SLC15A5: variants seen among roughly 807,000 people sequenced by gnomAD.
The protein encoded by SLC15A5 is Peptide/histidine transporter ENSP00000340402.
SLC15A5 carries 58 observed loss-of-function variants against 56.1 expected under a neutral mutation model. The ratio of observed to expected loss-of-function variants is 1.03; its 90% CI spans 0.84 to 1.29. SLC15A5 has a LOEUF of 1.29. Ranked by LOEUF, SLC15A5 falls within the 50% of genes most tolerant of loss-of-function variation. SLC15A5 has a pLI of 0.00. For missense variants in SLC15A5, 681 were observed against 672.1 expected, an observed-to-expected ratio of 1.01 and a Z score of -0.15; for synonymous variants, 264 against 250.5, an observed-to-expected ratio of 1.05 and a Z score of -0.51.
At chr12:16,211,811 A>G (rs1864083752) in intron 7 of SLC15A5, among the ~76,000 whole-genome samples, 1 of 152,218 alleles carries the variant, frequency 6.6e-6, no homozygotes, top group Non-Finnish European at 1.5e-5. Flanking sequence ...TCCCAGAAGG[A>G]TCAGTTTTCT....
At chr12:16,253,781 C>T (rs894463065) in intron 3 of SLC15A5, among the ~76,000 whole-genome samples, 9 of 152,120 alleles carry the variant, frequency 5.9e-5, no homozygotes, top group African/African-American at 1.9e-4. Flanking sequence ...AAAAATACTG[C>T]GTTGACGAGG....
intron 7 of SLC15A5, among the ~76,000 whole-genome samples, chr12:16,205,594 T>C (rs200314541): frequency 0.11 from 4,418 of 38,420 alleles, 373 homozygotes; most frequent in Non-Finnish European, 0.14. Flanking sequence ...TATATATACA[T>C]ATACACACAC....
chr12:16,229,647 T>TACACACACACACACACACACACACAC (rs71438372), intron 5 of SLC15A5, among the ~76,000 whole-genome samples: 1 of 144,288 alleles, frequency 6.9e-6, no homozygotes, highest in African/African-American at 2.6e-5. Context: ...CACACACACA[T>TACACACACACACACACACACACACAC]ACACACACAC....
chr12:16,210,392 A>G (rs1371147014), intron 7 of SLC15A5, among the ~76,000 whole-genome samples: 2 of 152,186 alleles, frequency 1.3e-5, no homozygotes, highest in African/African-American at 2.4e-5. Context: ...GAACAGTACA[A>G]CTGAACTCTG....
At chr12:16,226,336 A>G (rs1408893755) in intron 5 of SLC15A5, among the ~76,000 whole-genome samples, 1 of 152,168 alleles carries the variant, frequency 6.6e-6, no homozygotes, top group Non-Finnish European at 1.5e-5. Context: ...GGTTGGTTGA[A>G]TCTGCAGATG....
In SLC15A5 at chr12:16,244,671, T is replaced by G; in HGVS notation, c.884A>C (p.Tyr295Ser). Residue 295 changes from tyrosine (Y) to serine (S), a missense_variant, in exon 4 of 9, where the codon TAC becomes TCC. Tyr to Ser is a moderately radical substitution (Grantham distance 144). Coordinates refer to ENST00000344941, the MANE Select transcript of SLC15A5 (RefSeq NM_001170798.1). The part of the protein sequence containing the change: ...DHAKEKNGGC[Y>S]SELHVEDTTF... The stretch of plus-strand genomic sequence containing the variant: ...TGTGTCTTCTACATGGAGCTCACTG[T>G]AGCAGCCACCATTTTTTTCTTTGGC... The G allele has an allele frequency of 2.6e-6, 4 of 1,537,510 alleles. No homozygotes were observed. Among genetic ancestry groups the G allele is most frequent in the Non-Finnish European group, 3.5e-6 (4 of 1,146,986 alleles).
chr12:16,188,817 T>A lies in SLC15A5; in HGVS notation c.*851A>T, dbSNP rs1863812630. The A allele has an allele frequency of 6.6e-6, 1 of 152,202 alleles. No homozygotes were observed. Among genetic ancestry groups the A allele is most frequent in the South Asian group, 2.1e-4 (1 of 4,832 alleles). The allele number at this position is 152,202 out of a possible 1,614,324, so 9.4% of individuals were successfully genotyped here. A position where few individuals can be genotyped will look rare whatever the true frequency, so the allele number is the denominator to read the frequency against. On this transcript the variant is annotated 3_prime_UTR_variant, in exon 9 of 9. Transcript: ENST00000344941. ...ACTGAGAAACAGACTTTAATTTTAT[T>A]TGATTTTTTAAAAAATGAGTTTCCA...
intron 5 of SLC15A5, among the ~76,000 whole-genome samples, chr12:16,227,217 C>T (rs1864251210): frequency 6.6e-6 from 1 of 152,084 alleles, no homozygotes; most frequent in Non-Finnish European, 1.5e-5. Flanking sequence ...AGAGATTTTG[C>T]TTCCGTAAAC....
At position 16,277,631 on chromosome 12, in the gene SLC15A5, T is replaced by C; in HGVS notation, c.55A>G (p.Ile19Val). 6.5e-7 allele frequency: 1 copy of C among 1,536,268 alleles called. No individual in the cohort carries two copies. The highest frequency in any genetic ancestry group is 8.7e-7 in the Non-Finnish European group (1 of 1,146,214). Residue 19 changes from isoleucine to valine, a missense_variant, in exon 1 of 9, where the codon ATT (isoleucine) becomes GTT (valine). Physicochemically the swap from Ile to Val is conservative, Grantham distance 29. Coordinates refer to ENST00000344941, the MANE Select transcript of SLC15A5 (RefSeq NM_001170798.1). ...TDEKVHLYHS[I>V]EKEKTVRHIG... is the part of the protein sequence containing the mutation. ...TGTCTTACAGTTTTCTCCTTCTCAA[T>C]GCTGTGATATAAGTGTACTTTCTCA...
At chr12:16,242,609 A>G (rs1315925719) in intron 4 of SLC15A5, among the ~76,000 whole-genome samples, 2 of 152,218 alleles carry the variant, frequency 1.3e-5, no homozygotes, top group Non-Finnish European at 2.9e-5. Context: ...ATCAGTAACT[A>G]TTAGTTTCTG....
intron 1 of SLC15A5, among the ~76,000 whole-genome samples, chr12:16,273,859 C>T (rs892976195): frequency 9.1e-4 from 136 of 149,846 alleles, no homozygotes; most frequent in African/African-American, 3.0e-3. Context: ...CCCATAATCT[C>T]ATTACTCAGA....
intron 8 of SLC15A5, among the ~76,000 whole-genome samples, chr12:16,190,768 A>G (rs953253836): frequency 2.6e-5 from 4 of 152,132 alleles, no homozygotes; most frequent in South Asian, 2.1e-4. Flanking sequence ...CTCTAAGAGA[A>G]TGAATACTGC....
rs1864343407 is a variant in SLC15A5, at chr12:16,235,384, A to G, written c.1162+4297T>C. ...GTTTCTCTGTAGACCATTGGAATTCATTTCAGAAGACCCAGCTTCAGTTTA... is the reference window on the plus strand; with the variant it reads ...GTTTCTCTGTAGACCATTGGAATTCGTTTCAGAAGACCCAGCTTCAGTTTA... On this transcript the variant is annotated intron_variant, in intron 5 of 8. Coordinates refer to ENST00000344941, the MANE Select transcript of SLC15A5 (RefSeq NM_001170798.1). The surrounding 1 kb of genome is among the most constrained non-coding windows in gnomAD (Gnocchi z 4.1). Among the ~76,000 whole-genome samples, 1 of 151,438 alleles carries G rather than the reference A, an allele frequency of 6.6e-6. No homozygotes were observed. The highest frequency in any genetic ancestry group is 2.4e-5 in the African/African-American group (1 of 41,290).
At chr12:16,211,879 A>G (rs1202907890) in intron 7 of SLC15A5, among the ~76,000 whole-genome samples, 1 of 152,164 alleles carries the variant, frequency 6.6e-6, no homozygotes, top group Non-Finnish European at 1.5e-5. Flanking sequence ...AAGTTTTGAG[A>G]AATCTTTTGA....
At chr12:16,240,900 C>T (rs1325663935) in intron 4 of SLC15A5, among the ~76,000 whole-genome samples, 2 of 151,354 alleles carry the variant, frequency 1.3e-5, no homozygotes, top group African/African-American at 2.4e-5. Context: ...GCAAGCTCCA[C>T]CTCCCAGGTT....
intron 7 of SLC15A5, among the ~76,000 whole-genome samples, chr12:16,199,780 A>G (rs1863934336): frequency 6.6e-6 from 1 of 152,150 alleles, no homozygotes; most frequent in Non-Finnish European, 1.5e-5. Context: ...TGGGAATAAG[A>G]CATAGTCATC....
chr12:16,259,239 GT>G (rs1864615306), intron 2 of SLC15A5, among the ~76,000 whole-genome samples: 1 of 150,918 alleles, frequency 6.6e-6, no homozygotes, highest in Non-Finnish European at 1.5e-5. Context: ...GTCTCACTGT[GT>G]TGCCCAGGCT....
At chr12:16,229,679 C>CAT in intron 5 of SLC15A5, among the ~76,000 whole-genome samples, 1 of 151,438 alleles carries the variant, frequency 6.6e-6, no homozygotes, top group South Asian at 2.1e-4. Flanking sequence ...CACACACACA[C>CAT]ACACAATCTT....
Position 16,243,994 on chromosome 12 carries a change from C to G in SLC15A5, c.975+586G>C, listed in dbSNP as rs1218778486. Among the ~76,000 whole-genome samples, 1 of 152,102 alleles carries G rather than the reference C, an allele frequency of 6.6e-6. No homozygotes were observed. Among genetic ancestry groups the G allele is most frequent in the Non-Finnish European group, 1.5e-5 (1 of 68,016 alleles). The stretch of plus-strand genomic sequence containing the variant: ...TAAATAAGTTAGTCTTTAACTCTAA[C>G]CACATTAAAAAAATTTAAAATCACA... On this transcript the variant is annotated intron_variant, in intron 4 of 8. Coordinates refer to ENST00000344941, the MANE Select transcript of SLC15A5 (RefSeq NM_001170798.1). This position sits in a 1 kb window ranked among gnomAD's most constrained non-coding sequence, Gnocchi z 4.4.
Sources: gnomAD v4.1 joint callset for allele counts (sites outside exome capture counted in the v4.1 genomes callset) on GRCh38, gnomAD v4.1.1 for gene constraint, Gnocchi (gnomAD v3.1) non-coding constraint, MANE v1.5 for transcripts, NCBI Gene and HGNC (gene_info 2026-07-23, HGNC 2026-07-21) for gene names.